The following MOXD1 variants were observed in gnomAD, a reference collection of about 807,000 sequenced individuals.
MOXD1 encodes the protein DBH-like monooxygenase protein 1.
A neutral mutation model predicts 66.6 loss-of-function variants in MOXD1; 62 were observed. The observed-to-expected ratio is 0.93, with a 90% CI of 0.76 to 1.15. The LOEUF (loss-of-function observed/expected upper bound fraction) is 1.15. Ranked by LOEUF, MOXD1 falls within the 50% of genes most tolerant of loss-of-function variation. The probability of loss-of-function intolerance (pLI) is 0.00; values close to 1 mark genes in which losing one functional copy is unlikely to be tolerated. For synonymous variants in MOXD1, 303 were observed against 281.9 expected, an observed-to-expected ratio of 1.07 and a Z score of -0.75; for missense variants, 847 against 754.6, an observed-to-expected ratio of 1.12 and a Z score of -1.44.
intron 4 of MOXD1, among the ~76,000 whole-genome samples, chr6:132,367,828 T>G (rs1004247110): frequency 6.6e-6 from 1 of 152,036 alleles, no homozygotes; most frequent in African/African-American, 2.4e-5. Context: ...GTAAGTTACA[T>G]GACTAATAAA....
At chr6:132,396,158 C>T (rs1776863433) in intron 1 of MOXD1, among the ~76,000 whole-genome samples, 1 of 152,064 alleles carries the variant, frequency 6.6e-6, no homozygotes, top group African/African-American at 2.4e-5. Context: ...CAAGTCTCAA[C>T]AAATTTTAAA....
At chr6:132,312,817 A>AG (rs1168446515) in intron 10 of MOXD1, among the ~76,000 whole-genome samples, 2 of 151,904 alleles carry the variant, frequency 1.3e-5, no homozygotes, top group African/African-American at 4.8e-5. Context: ...TAAAAAAAAA[A>AG]AATAGGCCAT....
intron 11 of MOXD1, 68 bp from the exon 12 acceptor site, chr6:132,297,385 C>T (rs960247650): frequency 6.0e-6 from 9 of 1,493,856 alleles, no homozygotes; most frequent in Non-Finnish European, 7.4e-6. Flanking sequence ...CCAGGCCGCT[C>T]AGCTGCCCAC....
intron 4 of MOXD1, among the ~76,000 whole-genome samples, chr6:132,340,441 CT>C (rs71868555): frequency 0.32 from 34,405 of 106,120 alleles, 5,338 homozygotes; most frequent in East Asian, 0.6. Context: ...GCAACACTTT[CT>C]TTTTTTTTTT....
chr6:132,401,118 G>A, intron 1 of MOXD1, 45 bp downstream of exon 1: 1 of 1,448,006 alleles, frequency 6.9e-7, no homozygotes, highest in Non-Finnish European at 9.0e-7. Context: ...GGGTCCGGAC[G>A]GGACCGGGCT....
intron 10 of MOXD1, 135 bp from the exon 11 acceptor site, chr6:132,298,090 G>A (rs1373023979): frequency 7.2e-6 from 4 of 557,246 alleles, no homozygotes; most frequent in South Asian, 5.1e-5. Context: ...AAATGTTGAT[G>A]AGCTCATCAG....
chr6:132,392,985 C>T (rs967332760), intron 1 of MOXD1, among the ~76,000 whole-genome samples: 1 of 152,182 alleles, frequency 6.6e-6, no homozygotes, highest in Admixed American at 6.5e-5. Context: ...TCACACTGCC[C>T]TCTGGAGGTA....
chr6:132,328,798 A>G (rs1337997312), intron 4 of MOXD1, among the ~76,000 whole-genome samples: 1 of 152,226 alleles, frequency 6.6e-6, no homozygotes, highest in African/African-American at 2.4e-5. Flanking sequence ...CGGCAACAAC[A>G]AAGATGAGAT....
chr6:132,344,085 A>C (rs2114612793), intron 4 of MOXD1, among the ~76,000 whole-genome samples: 1 of 152,356 alleles, frequency 6.6e-6, no homozygotes, highest in South Asian at 2.1e-4. Context: ...AAATACAAGA[A>C]AACATTTATG....
Position 132,296,128 on chromosome 6 carries a change from G to C in MOXD1, c.*1025C>G, listed in dbSNP as rs550206460. The C allele has an allele frequency of 3.7e-4, 57 of 152,230 alleles. No homozygotes were observed. The highest frequency in any genetic ancestry group is 1.4e-3 in the African/African-American group (57 of 41,552). 9.4% of individuals were successfully genotyped at this position (152,230 alleles called of 1,614,324 possible). On this transcript the variant is annotated 3_prime_UTR_variant, in exon 12 of 12. Transcript: ENST00000367963. ...GAGATGAGGACAGGACATAAAACAA[G>C]ATTTGGCTGAGCTATATAAAGAAAA...
chr6:132,348,817 C>CA (rs1449503150), intron 4 of MOXD1, among the ~76,000 whole-genome samples: 1 of 151,948 alleles, frequency 6.6e-6, no homozygotes, highest in Non-Finnish European at 1.5e-5. Context: ...ATAATGGTTC[C>CA]AAAAAAGACT....
intron 10 of MOXD1, among the ~76,000 whole-genome samples, chr6:132,300,595 AGT>A (rs1285161100): frequency 6.6e-6 from 1 of 152,214 alleles, no homozygotes; most frequent in Non-Finnish European, 1.5e-5. Flanking sequence ...AAGAGTGAAT[AGT>A]GTGACCATTA....
Position 132,303,708 on chromosome 6 carries a change from T to TACACACACACACACAC in MOXD1, c.1509-5769_1509-5754dup, listed in dbSNP as rs1230084737. ...GAAAGCAGAGGGCTGACTGTATACA[T>TACACACACACACACAC]ACACACACACACACACACACACACA... On this transcript the variant is annotated intron_variant, in intron 10 of 11. Transcript: ENST00000367963. 2.0e-3 allele frequency among the ~76,000 whole-genome samples: 269 copies of TACACACACACACACAC among 135,970 alleles called. 3 individuals carry two copies. The highest frequency in any genetic ancestry group is 6.2e-3 in the African/African-American group (224 of 36,180). 89.2% of individuals were successfully genotyped at this position (135,970 alleles called of 152,430 possible).
At chr6:132,349,561 C>T (rs945241823) in intron 4 of MOXD1, among the ~76,000 whole-genome samples, 24 of 148,692 alleles carry the variant, frequency 1.6e-4, no homozygotes, top group African/African-American at 5.0e-4. Flanking sequence ...TTTGCAATTG[C>T]GAAATGTGCC....
intron 1 of MOXD1, among the ~76,000 whole-genome samples, chr6:132,376,152 T>C (rs1447413117): frequency 6.6e-6 from 1 of 152,232 alleles, no homozygotes; most frequent in African/African-American, 2.4e-5. Context: ...TACCTGATGA[T>C]ATTTTATTTT....
At chr6:132,299,376 A>G (rs1406723679) in intron 10 of MOXD1, among the ~76,000 whole-genome samples, 1 of 152,186 alleles carries the variant, frequency 6.6e-6, no homozygotes, top group African/African-American at 2.4e-5. Flanking sequence ...CCTCAGTTTC[A>G]CACAATATAC....
rs142982849 is a variant in MOXD1 at position 132,390,684 on chromosome 6, C to T, written c.264+10479G>A. 2.6e-5 allele frequency: 4 copies of T among 151,590 alleles called. 1 individual carries two copies. Among genetic ancestry groups the T allele is most frequent in the Non-Finnish European group, 4.4e-5 (3 of 67,728 alleles). The allele number at this position is 151,590 out of a possible 1,614,324, so 9.4% of individuals were successfully genotyped here. A position where few individuals can be genotyped will look rare whatever the true frequency, so the allele number is the denominator to read the frequency against. On this transcript the variant is annotated intron_variant, in intron 1 of 11. Coordinates refer to ENST00000367963, the MANE Select transcript of MOXD1 (RefSeq NM_015529.4). ...GTCATATGACAGCCACAGACAATTT[C>T]CATGCTTTGTGACATGAAGGCCCAC...
At chr6:132,343,640 A>G (rs1016490377) in intron 4 of MOXD1, among the ~76,000 whole-genome samples, 2 of 152,150 alleles carry the variant, frequency 1.3e-5, no homozygotes, top group Non-Finnish European at 2.9e-5. Context: ...TGTTAAATAA[A>G]TATATTGAAT....
intron 1 of MOXD1, among the ~76,000 whole-genome samples, chr6:132,396,594 T>C (rs1475010959): frequency 4.6e-4 from 69 of 151,218 alleles, no homozygotes; most frequent in Admixed American, 4.4e-3. Context: ...AGGAAGTTAG[T>C]TTTTTGAAAA....
Sources: gnomAD v4.1 joint callset for allele counts (sites outside exome capture counted in the v4.1 genomes callset) on GRCh38, gnomAD v4.1.1 for gene constraint, MANE v1.5 for transcripts, NCBI Gene and HGNC (gene_info 2026-07-23, HGNC 2026-07-21) for gene names.